Variants in ADAMTS7 observed in about 807,000 individuals in gnomAD.
The protein encoded by ADAMTS7 is A disintegrin and metalloproteinase with thrombospondin motifs 7.
ADAMTS7 carries 89 observed loss-of-function variants against 172.6 expected under a neutral mutation model. The ratio of observed to expected loss-of-function variants is 0.52; its 90% CI spans 0.43 to 0.61. The LOEUF (loss-of-function observed/expected upper bound fraction) is 0.61. Among genes scored for constraint, ADAMTS7 ranks in the 20% least tolerant of loss-of-function variants. The pLI, the probability that ADAMTS7 is intolerant of heterozygous loss-of-function variation, is 0.00. For synonymous variants in ADAMTS7, 885 were observed against 978.4 expected, an observed-to-expected ratio of 0.90 and a Z score of 1.78; for missense variants, 1,973 against 2,355.6, an observed-to-expected ratio of 0.84 and a Z score of 3.36.
At chr15:78,774,837 T>G (rs751311772) in intron 11 of ADAMTS7, 44 bp from the exon 12 acceptor site, 3 of 1,544,214 alleles carry the variant, frequency 1.9e-6, no homozygotes, top group East Asian at 4.5e-5. Context: ...GCCCAGTGAG[T>G]GCTACTGCAT....
intron 4 of ADAMTS7, among the ~76,000 whole-genome samples, chr15:78,796,112 T>C (rs1313075306): frequency 1.3e-5 from 2 of 152,194 alleles, no homozygotes; most frequent in African/African-American, 4.8e-5. Flanking sequence ...TACCAGCTAG[T>C]GACCATAGAA....
intron 4 of ADAMTS7, among the ~76,000 whole-genome samples, chr15:78,795,070 G>A (rs750791549): frequency 1.6e-4 from 24 of 152,320 alleles, no homozygotes; most frequent in Non-Finnish European, 2.9e-4. Flanking sequence ...TCAGAAAAGT[G>A]GGGGTGAAAT....
intron 8 of ADAMTS7, among the ~76,000 whole-genome samples, chr15:78,780,025 A>G (rs1313806695): frequency 2.6e-4 from 37 of 140,100 alleles, no homozygotes; most frequent in East Asian, 1.5e-3. Context: ...TTGCCTGGCT[A>G]TAGATGCTGT....
At chr15:78,806,487 T>C (rs2055800254) in intron 1 of ADAMTS7, among the ~76,000 whole-genome samples, 1 of 152,176 alleles carries the variant, frequency 6.6e-6, no homozygotes, top group African/African-American at 2.4e-5. Flanking sequence ...CTATAGAGCA[T>C]GGGCTTTGAA....
rs2055575285 is a variant in ADAMTS7, at chr15:78,791,140, C to T, written c.903G>A (p.Glu301=). 1 of 1,612,602 alleles carries T rather than the reference C, an allele frequency of 6.2e-7. No individual in the cohort carries two copies. The highest frequency in any genetic ancestry group is 1.3e-5 in the African/African-American group (1 of 74,910). The change falls in exon 5 of 24, where the codon GAG becomes GAA. Residue 301 remains glutamate (E), a splice_region_variant and synonymous_variant. Coordinates refer to ENST00000388820, the MANE Select transcript of ADAMTS7 (RefSeq NM_014272.5). ...AGCGTGGGACCACATGACCACTCAC[C>T]TCCTCATCTTCCAGCAGGACCAGGC... ...IVRLVLLEDE[E]EDLKITHHAD...
rs142351001 is a variant in ADAMTS7, at chr15:78,777,848, C to T, written c.1323-260G>A. ...CCCCAATCCCAGGCCTCCGCACACGCTGCCAGGGCCCTTCCCTCAGAAGGC... is the reference window on the plus strand; with the variant it reads ...CCCCAATCCCAGGCCTCCGCACACGTTGCCAGGGCCCTTCCCTCAGAAGGC... On this transcript the variant is annotated intron_variant, in intron 8 of 23. Coordinates refer to ENST00000388820, the MANE Select transcript of ADAMTS7 (RefSeq NM_014272.5). Among the ~76,000 whole-genome samples, 5,296 of 152,278 alleles carry T rather than the reference C, an allele frequency of 0.035. 600 individuals carry two copies. The East Asian group carries it at 0.38, about 11-fold the overall frequency.
intron 16 of ADAMTS7, among the ~76,000 whole-genome samples, chr15:78,769,927 C>A (rs1596177871): frequency 6.6e-6 from 1 of 152,206 alleles, no homozygotes; most frequent in Non-Finnish European, 1.5e-5. Flanking sequence ...TATGGGAAGC[C>A]AAGGCGGGCA....
At chr15:78,789,653 C>T (rs758203905) in intron 7 of ADAMTS7, 36 bp downstream of exon 7, 49 of 1,609,978 alleles carry the variant, frequency 3.0e-5, no homozygotes, top group Non-Finnish European at 3.5e-5. Flanking sequence ...GGGTGAAGCT[C>T]GGCTCTCAGT....
intron 22 of ADAMTS7, among the ~76,000 whole-genome samples, chr15:78,763,133 G>A (rs1165557715): frequency 1.3e-5 from 2 of 152,182 alleles, no homozygotes; most frequent in East Asian, 3.9e-4. Flanking sequence ...CTCCTAAGCT[G>A]TTCCAGTTTT....
chr15:78,774,433 C>T (rs1228452993), intron 12 of ADAMTS7, 133 bp from the exon 13 acceptor site: 20 of 1,378,286 alleles, frequency 1.5e-5, no homozygotes, highest in Middle Eastern at 2.6e-4. Flanking sequence ...CTGGAGGCTC[C>T]GGCTGGGCTG....
intron 8 of ADAMTS7, among the ~76,000 whole-genome samples, chr15:78,779,376 G>C (rs1005387631): frequency 2.0e-4 from 30 of 152,164 alleles, no homozygotes; most frequent in Non-Finnish European, 2.5e-4. Flanking sequence ...CTGGCCCCGG[G>C]TCGCACAAGA....
rs975637750 is a variant in ADAMTS7, at chr15:78,776,081, A to G, written c.1706+107T>C. The G allele has an allele frequency of 9.3e-6, 13 of 1,396,236 alleles. No homozygotes were observed. The African/African-American group carries it at 1.7e-4, about 19-fold the overall frequency. The allele number at this position is 1,396,236 out of a possible 1,614,324, so 86.5% of individuals were successfully genotyped here. A position where few individuals can be genotyped will look rare whatever the true frequency, so the allele number is the denominator to read the frequency against. On this transcript the variant is annotated intron_variant, in intron 11 of 23. Coordinates refer to ENST00000388820, the MANE Select transcript of ADAMTS7 (RefSeq NM_014272.5). ...GACACTCGGACTGACCATTATCAGG[A>G]CACTTCTAAGAGCCAGGGGCTGGGA... is the stretch of plus-strand genomic sequence containing the variant.
intron 6 of ADAMTS7, 82 bp downstream of exon 6, chr15:78,790,588 C>T: frequency 1.3e-6 from 2 of 1,571,062 alleles, no homozygotes; most frequent in South Asian, 1.2e-5. Context: ...CAGCACGGCC[C>T]CCTCCTCCAC....
At chr15:78,777,647 C>T in intron 8 of ADAMTS7, 59 bp from the exon 9 acceptor site, 3 of 1,560,292 alleles carry the variant, frequency 1.9e-6, no homozygotes, top group Non-Finnish European at 2.6e-6. Flanking sequence ...TCGGAGAAGC[C>T]TTGGTGGGGC....
chr15:78,798,563 C>T (rs897908092), intron 2 of ADAMTS7, among the ~76,000 whole-genome samples: 6 of 152,186 alleles, frequency 3.9e-5, no homozygotes, highest in Non-Finnish European at 5.9e-5. Context: ...TTCTGACCTT[C>T]CCTCTATCTC....
Position 78,771,138 on chromosome 15 carries a change from G to A in ADAMTS7, c.2518+24C>T, listed in dbSNP as rs1328235947. ...CCAGACACTAAGCCCCTGCAGGTGGGGCTGTGCCTGCCCCACTTCTCACCT... is the reference window on the plus strand; with the variant it reads ...CCAGACACTAAGCCCCTGCAGGTGGAGCTGTGCCTGCCCCACTTCTCACCT... On this transcript the variant is annotated intron_variant, in intron 16 of 23. Coordinates refer to ENST00000388820, the MANE Select transcript of ADAMTS7 (RefSeq NM_014272.5). This position sits in a 1 kb window ranked among gnomAD's most constrained non-coding sequence, Gnocchi z 4.9. 1 of 1,583,372 alleles carries A rather than the reference G, an allele frequency of 6.3e-7. No individual in the cohort carries two copies. Among genetic ancestry groups the A allele is most frequent in the East Asian group, 2.3e-5 (1 of 43,256 alleles).
At chr15:78,792,192 C>A (rs998190121) in intron 4 of ADAMTS7, among the ~76,000 whole-genome samples, 2 of 152,118 alleles carry the variant, frequency 1.3e-5, no homozygotes, top group African/African-American at 4.8e-5. Context: ...AGATAAACAG[C>A]GATATCATGT....
chr15:78,781,147 C>T (rs2055422497), intron 8 of ADAMTS7, among the ~76,000 whole-genome samples: 1 of 152,220 alleles, frequency 6.6e-6, no homozygotes, highest in Non-Finnish European at 1.5e-5. Flanking sequence ...CTGTGAGTGC[C>T]TCTGCGACGC....
intron 14 of ADAMTS7, among the ~76,000 whole-genome samples, chr15:78,772,405 C>T (rs1003491805): frequency 1.3e-5 from 2 of 152,254 alleles, no homozygotes; most frequent in Admixed American, 1.3e-4. Context: ...CACTGCACTG[C>T]ATCTCTGGGA....
Sources: allele counts gnomAD v4.1 joint callset (sites outside exome capture counted in the v4.1 genomes callset), GRCh38; gene constraint gnomAD v4.1.1; non-coding constraint Gnocchi (gnomAD v3.1); transcripts MANE v1.5; gene names NCBI Gene and HGNC (gene_info 2026-07-23, HGNC 2026-07-21).